Variants in NCS1 observed in about 807,000 individuals in gnomAD.
NCS1 encodes neuronal calcium sensor 1.
In NCS1, 6 loss-of-function variants were observed where a neutral mutation model predicts 28.4. The ratio of observed to expected loss-of-function variants is 0.21; its 90% CI spans 0.12 to 0.42. The LOEUF (loss-of-function observed/expected upper bound fraction) is 0.42, where lower values mean the gene tolerates loss of function less well. Ranked by LOEUF, NCS1 falls within the 10% of genes least tolerant of loss-of-function variation. The pLI is 1.00. For synonymous variants in NCS1, 86 were observed against 99.3 expected (o/e 0.87, Z 0.79); for missense variants, 131 against 241.4 (o/e 0.54, Z 3.03).
At position 130,215,607 on chromosome 9, in the gene NCS1, G is replaced by T. The variant is rs1833171707; in HGVS notation, c.90-2225G>T. Among the ~76,000 whole-genome samples, 1 of 152,192 alleles carries T rather than the reference G, an allele frequency of 6.6e-6. No homozygotes were observed. Among genetic ancestry groups the T allele is most frequent in the South Asian group, 2.1e-4 (1 of 4,826 alleles). On this transcript the variant is annotated intron_variant, in intron 2 of 7. Transcript: ENST00000372398. This position sits in a 1 kb window ranked among gnomAD's most constrained non-coding sequence, Gnocchi z 4.2. The stretch of plus-strand genomic sequence containing the variant: ...ACGCATTGCTGTGGATGAATCTCCT[G>T]ATCTCTCTGTGCCTCAGTGCCTCAT...
At chr9:130,200,849 TG>T (rs1359501987) in intron 1 of NCS1, 108 bp from the exon 2 acceptor site, 1 of 1,517,506 alleles carries the variant, frequency 6.6e-7, no homozygotes, top group African/African-American at 1.4e-5. Flanking sequence ...CCCGGGGACA[TG>T]GCCGTGGGGA....
At position 130,212,240 on chromosome 9, in the gene NCS1, C is replaced by G. The variant is rs118066988; in HGVS notation, c.90-5592C>G. Among the ~76,000 whole-genome samples the G allele has an allele frequency of 3.2e-4, 48 of 152,212 alleles. No individual in the cohort carries two copies. In the East Asian group the frequency reaches 8.9e-3, roughly 28 times the overall value. ...CCGTTAGAATCACAGATGCTTATGG[C>G]GGATCCCCTGAGCTTGTGGGGGTCC... On this transcript the variant is annotated intron_variant, in intron 2 of 7. Transcript: ENST00000372398.
Position 130,219,880 on chromosome 9 carries a change from C to A in NCS1, c.307+77C>A. ...AGAGGGAGGCAGCCCTCGGCCCTCACCAGGCAGGGGTGCCAGACACCCACT... is the reference window on the plus strand; with the variant it reads ...AGAGGGAGGCAGCCCTCGGCCCTCAACAGGCAGGGGTGCCAGACACCCACT... On this transcript the variant is annotated intron_variant, in intron 4 of 7. Transcript: ENST00000372398. This position sits in a 1 kb window ranked among gnomAD's most constrained non-coding sequence, Gnocchi z 5.7. 6.8e-7 allele frequency: 1 copy of A among 1,469,694 alleles called. No individual in the cohort carries two copies. Among genetic ancestry groups the A allele is most frequent in the South Asian group, 1.1e-5 (1 of 87,378 alleles). The allele number at this position is 1,469,694 out of a possible 1,614,324, so 91.0% of individuals were successfully genotyped here.
chr9:130,225,436 C>T (rs1326362323), intron 6 of NCS1, among the ~76,000 whole-genome samples: 1 of 152,272 alleles, frequency 6.6e-6, no homozygotes, highest in Admixed American at 6.5e-5. Context: ...TAATAAGTTT[C>T]TCGTGGTGTG....
chr9:130,230,852 CT>C (rs1833492487), intron 7 of NCS1, among the ~76,000 whole-genome samples: 1 of 139,590 alleles, frequency 7.2e-6, no homozygotes, highest in South Asian at 2.6e-4. Flanking sequence ...CATCATCATA[CT>C]TAATCCATTT....
At chr9:130,210,118 C>T (rs1409352417) in intron 2 of NCS1, among the ~76,000 whole-genome samples, 6 of 152,032 alleles carry the variant, frequency 3.9e-5, no homozygotes, top group Non-Finnish European at 8.8e-5. Context: ...AAGGACTTCC[C>T]GGCCAGGCGC....
rs140814668 is a variant in NCS1 at position 130,220,603 on chromosome 9, C to T, written c.307+800C>T. ...GAGTTGGGAGGGGAAGCTGTGCAGG[C>T]CCCTGGCGGCATTAGGAGGAATGCA... On this transcript the variant is annotated intron_variant, in intron 4 of 7. Coordinates refer to ENST00000372398, the MANE Select transcript of NCS1 (RefSeq NM_014286.4). Among the ~76,000 whole-genome samples, 495 of 152,066 alleles carry T rather than the reference C, an allele frequency of 3.3e-3. 5 individuals carry two copies. Among genetic ancestry groups the T allele is most frequent in the African/African-American group, 0.011 (469 of 41,478 alleles).
intron 2 of NCS1, among the ~76,000 whole-genome samples, chr9:130,213,099 G>A (rs577781301): frequency 6.2e-4 from 95 of 152,296 alleles, no homozygotes; most frequent in Non-Finnish European, 1.2e-3. Flanking sequence ...ACACGGGGGC[G>A]GTGCAGCCTG....
In NCS1 at chr9:130,209,155, C is replaced by T. The variant is rs1833075710; in HGVS notation, c.89+8173C>T. On this transcript the variant is annotated intron_variant, in intron 2 of 7. Transcript: ENST00000372398. This position sits in a 1 kb window ranked among gnomAD's most constrained non-coding sequence, Gnocchi z 4.4. The stretch of plus-strand genomic sequence containing the variant: ...CCGAGGCTGCCGCTGCGCCCATCCC[C>T]GCTGCGCCTGGCTGATTGCAGCTTG... 6.6e-6 allele frequency among the ~76,000 whole-genome samples: 1 copy of T among 152,198 alleles called. No individual in the cohort carries two copies. The highest frequency in any genetic ancestry group is 2.1e-4 in the South Asian group (1 of 4,828).
At chr9:130,205,856 A>G (rs1164335943) in intron 2 of NCS1, among the ~76,000 whole-genome samples, 2 of 151,732 alleles carry the variant, frequency 1.3e-5, no homozygotes, top group African/African-American at 4.8e-5. Flanking sequence ...AAGATAAGAA[A>G]ATAGGTGGTC....
rs1411509977 is a variant in NCS1 at position 130,176,169 on chromosome 9, TCTTTCTTTCTTTCTTTCTTTCTTTC to T, written c.64+3443_64+3467del. ...TTCTTTCTTTCTTTCTTTCTTTCTT[TCTTTCTTTCTTTCTTTCTTTCTTTC>T]TTTTTTTTTTTTTTTGGAGACAGGG... On this transcript the variant is annotated intron_variant, in intron 1 of 7. Transcript: ENST00000372398. 3.5e-3 allele frequency among the ~76,000 whole-genome samples: 369 copies of T among 105,598 alleles called. 13 individuals are homozygous for T. Among genetic ancestry groups the T allele is most frequent in the African/African-American group, 0.012 (296 of 23,802 alleles). The allele number at this position is 105,598 out of a possible 152,430, so 69.3% of individuals were successfully genotyped here. A position where few individuals can be genotyped will look rare whatever the true frequency, so the allele number is the denominator to read the frequency against.
chr9:130,228,598 T>C (rs1833450997), intron 7 of NCS1, among the ~76,000 whole-genome samples: 1 of 152,166 alleles, frequency 6.6e-6, no homozygotes, highest in East Asian at 1.9e-4. Context: ...GTGTTATTTT[T>C]TTATGTATCA....
chr9:130,187,113 G>A (rs557029639), intron 1 of NCS1, among the ~76,000 whole-genome samples: 15 of 152,252 alleles, frequency 9.9e-5, no homozygotes, highest in African/African-American at 2.9e-4. Context: ...CAAGGGCTCC[G>A]CTAGGAGGAG....
rs1588115423 is a variant in NCS1 at position 130,200,639 on chromosome 9, A to G, written c.65-319A>G. 18 of 1,551,746 alleles carry G rather than the reference A, an allele frequency of 1.2e-5. No individual in the cohort carries two copies. The East Asian group carries it at 4.4e-4, about 38-fold the overall frequency. ...AAGTCTTAGATGTTGGCCTGGGAGC[A>G]AGGGCTGTGGGAGAAGCAAACCCTT... On this transcript the variant is annotated intron_variant, in intron 1 of 7. Coordinates refer to ENST00000372398, the MANE Select transcript of NCS1 (RefSeq NM_014286.4).
intron 2 of NCS1, among the ~76,000 whole-genome samples, chr9:130,214,797 G>A (rs1009165148): frequency 1.3e-5 from 2 of 152,154 alleles, no homozygotes; most frequent in African/African-American, 4.8e-5. Context: ...CTCATGGGGG[G>A]CTTCTTGGGG....
chr9:130,172,777 A>ACCGCCCCCGCCC (rs782151980), intron 1 of NCS1, 50 bp downstream of exon 1: 35 of 674,634 alleles, frequency 5.2e-5, no homozygotes, highest in African/African-American at 3.7e-4. Context: ...CCCCACACCC[A>ACCGCCCCCGCCC]CCGCCCCCGC....
In NCS1 at chr9:130,199,274, T is replaced by C. The variant is rs371941095; in HGVS notation, c.65-1684T>C. ...ATGCCTGGCTAATTTTTTGTATTTT[T>C]AGTAGAGATGGGGTTTCACCGCTTT... On this transcript the variant is annotated intron_variant, in intron 1 of 7. Coordinates refer to ENST00000372398, the MANE Select transcript of NCS1 (RefSeq NM_014286.4). 3.3e-5 allele frequency among the ~76,000 whole-genome samples: 5 copies of C among 152,248 alleles called. No individual in the cohort carries two copies. In the East Asian group the frequency reaches 9.7e-4, roughly 29 times the overall value.
chr9:130,230,711 T>TA (rs35933110), intron 7 of NCS1, among the ~76,000 whole-genome samples: 27,977 of 142,130 alleles, frequency 0.2, 2,995 homozygotes, highest in African/African-American at 0.29. Flanking sequence ...TCTGTCTCTT[T>TA]AAAAAAAAAA....
At position 130,186,212 on chromosome 9, in the gene NCS1, C is replaced by T. The variant is rs118135589; in HGVS notation, c.64+13485C>T. ...ATGCTGGGGCCACAGGGCAGGCTGG[C>T]TGGCTGGATTTCTGGCCCTGCTGGC... On this transcript the variant is annotated intron_variant, in intron 1 of 7. Transcript: ENST00000372398. This position sits in a 1 kb window ranked among gnomAD's most constrained non-coding sequence, Gnocchi z 4.1. 2.4e-3 allele frequency among the ~76,000 whole-genome samples: 358 copies of T among 152,302 alleles called. 4 individuals carry two copies. Among genetic ancestry groups the T allele is most frequent in the Middle Eastern group, 0.01 (3 of 294 alleles).
Sources: gnomAD v4.1 joint callset for allele counts (sites outside exome capture counted in the v4.1 genomes callset) on GRCh38, gnomAD v4.1.1 for gene constraint, Gnocchi (gnomAD v3.1) non-coding constraint, MANE v1.5 for transcripts, NCBI Gene and HGNC (gene_info 2026-07-23, HGNC 2026-07-21) for gene names.